The following CDON variants were observed in gnomAD, a reference collection of about 807,000 sequenced individuals.
CDON encodes the protein cell adhesion associated, oncogene regulated, also known as cell adhesion molecule-related/down-regulated by oncogenes.
Under a neutral mutation model 120.9 loss-of-function variants are expected in CDON, and 73 were observed. The ratio of observed to expected loss-of-function variants is 0.60; its 90% confidence interval spans 0.50 to 0.73. The LOEUF (loss-of-function observed/expected upper bound fraction) is 0.73, where lower values mean the gene tolerates loss of function less well. Ranked by LOEUF, CDON falls within the 30% of genes least tolerant of loss-of-function variation. The pLI is 0.00. For synonymous variants in CDON, 566 were observed against 573.5 expected (o/e 0.99, Z 0.19); for missense variants, 1,470 against 1,587.3 (o/e 0.93, Z 1.26).
intron 18 of CDON, among the ~76,000 whole-genome samples, chr11:125,973,042 T>TTTTTTTTTTTTTTC (rs1946049860): frequency 9.1e-6 from 1 of 110,126 alleles, no homozygotes; most frequent in Non-Finnish European, 1.9e-5. Flanking sequence ...TTTTTTTTTT[T>TTTTTTTTTTTTTTC]AAATCCCTCA....
intron 9 of CDON, 75 bp from the exon 10 acceptor site, chr11:126,004,151 A>T: frequency 7.0e-7 from 1 of 1,421,184 alleles, no homozygotes; most frequent in Non-Finnish European, 9.8e-7. Context: ...ACATTTGATC[A>T]AAACTAGGAT....
intron 18 of CDON, among the ~76,000 whole-genome samples, chr11:125,964,779 C>T (rs923226512): frequency 3.3e-5 from 5 of 152,166 alleles, no homozygotes; most frequent in African/African-American, 1.2e-4. Flanking sequence ...TTCCATATTG[C>T]ATCAGACTCA....
At position 125,984,003 on chromosome 11, in the gene CDON, G is replaced by C. The variant is rs765261916; in HGVS notation, c.2864C>G (p.Ala955Gly). The change falls in exon 16 of 20, where the codon GCA becomes GGA. Residue 955 changes from alanine to glycine, a missense_variant. Physicochemically the swap from Ala to Gly is moderately conservative, Grantham distance 60 (BLOSUM62 0). Transcript: ENST00000531738. ...SLGSGGNVGP[A>G]TSPARSSDML... Reference sequence around the variant, plus strand: ...GTCACTGCTTCTGGCAGGGCTGGTTGCAGGCCCCACATTTCCTCCACTTCC... The same window carrying C: ...GTCACTGCTTCTGGCAGGGCTGGTTCCAGGCCCCACATTTCCTCCACTTCC... The C allele has an allele frequency of 1.9e-6, 3 of 1,613,904 alleles. No individual in the cohort carries two copies. Among genetic ancestry groups the C allele is most frequent in the Non-Finnish European group, 2.5e-6 (3 of 1,179,908 alleles).
In CDON at chr11:125,961,599, C is replaced by A. The variant is rs184973392; in HGVS notation, c.3631+125G>T. Reference sequence around the variant, plus strand: ...TTCCTGAAGGACCCAGCACCCCACCCAGTCTCCCAAGAAATATGTAAACTA... The same window carrying A: ...TTCCTGAAGGACCCAGCACCCCACCAAGTCTCCCAAGAAATATGTAAACTA... On this transcript the variant is annotated intron_variant, in intron 19 of 19. Coordinates refer to ENST00000531738, the MANE Select transcript of CDON (RefSeq NM_001378964.1). 6.9e-4 allele frequency: 900 copies of A among 1,311,294 alleles called. 1 individual carries two copies. Among genetic ancestry groups the A allele is most frequent in the Non-Finnish European group, 8.9e-4 (842 of 947,778 alleles). 81.2% of individuals were successfully genotyped at this position (1,311,294 alleles called of 1,614,324 possible). A position where few individuals can be genotyped will look rare whatever the true frequency, so the allele number is the denominator to read the frequency against.
chr11:126,001,819 T>C lies in CDON; in HGVS notation c.2058A>G (p.Ala686=), dbSNP rs750768591. The change falls in exon 11 of 20, where the codon GCA becomes GCG. Residue 686 remains alanine (A), a synonymous_variant. Coordinates refer to ENST00000531738, the MANE Select transcript of CDON (RefSeq NM_001378964.1). The part of the protein sequence containing the change: ...EKTASSKNTQ[A]SSPPVGIPKY... ...TAGGGATGCCCACGGGTGGAGAGGA[T>C]GCCTGGGTGTTTTTTGATGACGCTG... 9.9e-6 allele frequency: 16 copies of C among 1,609,938 alleles called. No homozygotes were observed. The highest frequency in any genetic ancestry group is 1.4e-5 in the Non-Finnish European group (16 of 1,176,124).
At chr11:126,031,882 T>C (rs1947954106) in intron 1 of CDON, among the ~76,000 whole-genome samples, 2 of 152,198 alleles carry the variant, frequency 1.3e-5, no homozygotes, top group Admixed American at 1.3e-4. Flanking sequence ...AAGGCTTCTC[T>C]TCCTCCTTTG....
At position 126,003,946 on chromosome 11, in the gene CDON, G is replaced by T. The variant is rs762024254; in HGVS notation, c.1982C>A (p.Ala661Glu). The change falls in exon 10 of 20, where the codon GCA becomes GAA. Residue 661 changes from alanine (A) to glutamate (E), a missense_variant. Physicochemically the swap from Ala to Glu is moderately radical, Grantham distance 107. Transcript: ENST00000531738. ...AAGCATGGCAGGTTGGCCTTCACCT[G>T]CTGCGCTTCTTGCTACCATCAAGAC... is the stretch of plus-strand genomic sequence containing the variant. ...YEVLMVARSA[A>E]GEGQPAMLTF... 3.1e-6 allele frequency: 5 copies of T among 1,613,988 alleles called. No homozygotes were observed. Among genetic ancestry groups the T allele is most frequent in the Non-Finnish European group, 3.4e-6 (4 of 1,180,014 alleles).
Position 126,055,247 on chromosome 11 carries a change from C to G in CDON, c.-62+7332G>C, listed in dbSNP as rs749538673. On this transcript the variant is annotated intron_variant, in intron 1 of 19. Transcript: ENST00000531738. Reference sequence around the variant, plus strand: ...CATGCTGAATCTCCTCTGTCCCTCTCCCAAAGTTTGAGGAGGAGGATGGAG... The same window carrying G: ...CATGCTGAATCTCCTCTGTCCCTCTGCCAAAGTTTGAGGAGGAGGATGGAG... Among the ~76,000 whole-genome samples the G allele has an allele frequency of 6.6e-5, 10 of 152,184 alleles. 1 individual carries two copies. The highest frequency in any genetic ancestry group is 2.0e-4 in the Admixed American group (3 of 15,292).
intron 1 of CDON, 111 bp from the exon 2 acceptor site, chr11:126,023,648 G>A (rs886330078): frequency 2.6e-5 from 17 of 664,704 alleles, no homozygotes; most frequent in East Asian, 8.2e-5. Flanking sequence ...TGTAGAGTAC[G>A]TCAAATACCA....
intron 8 of CDON, 71 bp downstream of exon 8, chr11:126,010,270 T>C (rs1471037383): frequency 1.5e-5 from 16 of 1,090,270 alleles, no homozygotes; most frequent in African/African-American, 1.1e-4. Context: ...AAATAACATA[T>C]TTCAAATCAC....
rs930051832 is a variant in CDON at position 126,034,481 on chromosome 11, C to T, written c.-61-10944G>A. On this transcript the variant is annotated intron_variant, in intron 1 of 19. Coordinates refer to ENST00000531738, the MANE Select transcript of CDON (RefSeq NM_001378964.1). This position sits in a 1 kb window ranked among gnomAD's most constrained non-coding sequence, Gnocchi z 4.5. ...ACAGGAATCAATGTGGTCCTAATTA[C>T]ACCAAAGGAGAGGGGGCAAAAGCTC... Among the ~76,000 whole-genome samples the T allele has an allele frequency of 9.2e-5, 14 of 152,162 alleles. No homozygotes were observed. Among genetic ancestry groups the T allele is most frequent in the African/African-American group, 3.1e-4 (13 of 41,504 alleles).
In CDON at chr11:126,021,618, C is replaced by G. The variant is rs1481572966; in HGVS notation, c.77-98G>C. On this transcript the variant is annotated intron_variant, in intron 2 of 19. Transcript: ENST00000531738. ...ACACATTTCATCTGTATCTTTATAA[C>G]TAAAGGCAATCTTTTATTTTATATA... is the stretch of plus-strand genomic sequence containing the variant. 7.5e-6 allele frequency: 8 copies of G among 1,063,726 alleles called. No individual in the cohort carries two copies. The African/African-American group carries it at 1.3e-4, about 17-fold the overall frequency. The allele number at this position is 1,063,726 out of a possible 1,614,324, so 65.9% of individuals were successfully genotyped here.
At chr11:125,994,793 T>G in intron 13 of CDON, 78 bp downstream of exon 13, 1 of 1,273,088 alleles carries the variant, frequency 7.9e-7, no homozygotes, top group Non-Finnish European at 1.1e-6. Context: ...CTGTTTACTG[T>G]ATTGTGTCAT....
At chr11:126,048,806 C>T (rs1161805944) in intron 1 of CDON, among the ~76,000 whole-genome samples, 3 of 152,160 alleles carry the variant, frequency 2.0e-5, no homozygotes, top group Non-Finnish European at 4.4e-5. Flanking sequence ...CAGGTTCAAG[C>T]AATTCTCCTG....
chr11:125,962,452 C>T (rs531078368), intron 18 of CDON, among the ~76,000 whole-genome samples: 2 of 152,224 alleles, frequency 1.3e-5, no homozygotes, highest in South Asian at 2.1e-4. Context: ...AAACACACTG[C>T]TTTGAAATCA....
At chr11:125,982,225 C>T (rs1177454360) in intron 16 of CDON, among the ~76,000 whole-genome samples, 3 of 152,002 alleles carry the variant, frequency 2.0e-5, no homozygotes, top group South Asian at 4.2e-4. Context: ...CCGCCCACCT[C>T]GGCTTCCCAA....
intron 1 of CDON, among the ~76,000 whole-genome samples, chr11:126,054,184 C>T (rs1948632596): frequency 1.3e-5 from 2 of 152,122 alleles, no homozygotes; most frequent in Admixed American, 1.3e-4. Context: ...TATTCTGATA[C>T]TGTAAAAAGC....
At chr11:126,037,171 G>A (rs1439600255) in intron 1 of CDON, among the ~76,000 whole-genome samples, 1 of 151,606 alleles carries the variant, frequency 6.6e-6, no homozygotes, top group African/African-American at 2.4e-5. Context: ...CACAATTATG[G>A]CTCACTGCAG....
intron 8 of CDON, among the ~76,000 whole-genome samples, chr11:126,009,528 C>A (rs1947231380): frequency 6.6e-6 from 1 of 152,202 alleles, no homozygotes; most frequent in African/African-American, 2.4e-5. Context: ...TGCTCCTCGA[C>A]CCTATGGGCT....
Sources: gnomAD v4.1 joint callset for allele counts (sites outside exome capture counted in the v4.1 genomes callset) on GRCh38, gnomAD v4.1.1 for gene constraint, Gnocchi (gnomAD v3.1) non-coding constraint, MANE v1.5 for transcripts, NCBI Gene and HGNC (gene_info 2026-07-23, HGNC 2026-07-21) for gene names.